The following SUGCT variants were observed in gnomAD, a reference collection of about 807,000 sequenced individuals.
SUGCT encodes the protein succinyl-CoA:glutarate-CoA transferase.
A neutral mutation model predicts 55.0 loss-of-function variants in SUGCT; 41 were observed. That is an observed-to-expected ratio of 0.74 (90% CI 0.58 to 0.97). The LOEUF is 0.97. SUGCT is among the 50% of genes least tolerant of loss of function. The probability of loss-of-function intolerance (pLI) is 0.00; values close to 1 mark genes in which losing one functional copy is unlikely to be tolerated. For synonymous variants in SUGCT, 187 were observed against 200.4 expected (o/e 0.93, Z 0.56); for missense variants, 568 against 547.8 (o/e 1.04, Z -0.37).
chr7:40,612,610 G>A (rs963515319), intron 12 of SUGCT, among the ~76,000 whole-genome samples: 2 of 152,140 alleles, frequency 1.3e-5, no homozygotes, highest in African/African-American at 4.8e-5. Context: ...TGATAGCTGT[G>A]CAGCCTTGGG....
chr7:40,591,009 C>G (rs1387519267), intron 12 of SUGCT, among the ~76,000 whole-genome samples: 1 of 151,938 alleles, frequency 6.6e-6, no homozygotes, highest in Non-Finnish European at 1.5e-5. Flanking sequence ...GCTTTCATGC[C>G]TACTGACACA....
the SUGCT span, among the ~76,000 whole-genome samples, chr7:40,938,477 AATT>A: frequency 1.3e-5 from 2 of 151,844 alleles, no homozygotes; most frequent in African/African-American, 2.4e-5. Flanking sequence ...CAACTTAATT[AATT>A]AACTAATTAA....
intron 1 of SUGCT, among the ~76,000 whole-genome samples, chr7:40,143,341 T>A (rs943149004): frequency 2.0e-5 from 3 of 152,166 alleles, no homozygotes; most frequent in African/African-American, 7.2e-5. Context: ...GTTGGAGACA[T>A]GAGGTAAAAT....
the SUGCT span, among the ~76,000 whole-genome samples, chr7:41,009,954 G>A: frequency 0.019 from 2,899 of 152,288 alleles, 88 homozygotes; most frequent in African/African-American, 0.065. Context: ...TGAGATATGT[G>A]CTGTATTCAC....
At chr7:40,818,661 T>G (rs138665352) in intron 13 of SUGCT, among the ~76,000 whole-genome samples, 176 of 152,246 alleles carry the variant, frequency 1.2e-3, no homozygotes, top group African/African-American at 4.0e-3. Context: ...AAATGGGAAG[T>G]GAGCCAGTGG....
intron 12 of SUGCT, among the ~76,000 whole-genome samples, chr7:40,529,010 G>A (rs867386094): frequency 6.6e-6 from 1 of 152,138 alleles, no homozygotes; most frequent in Non-Finnish European, 1.5e-5. Flanking sequence ...GGATCTTATA[G>A]CAGAACAAAA....
chr7:40,330,067 A>G (rs1796228525), intron 9 of SUGCT, among the ~76,000 whole-genome samples: 1 of 152,218 alleles, frequency 6.6e-6, no homozygotes, highest in African/African-American at 2.4e-5. Context: ...AGAGAACAGC[A>G]TCCTGGGCTT....
chr7:40,886,036 G>A, the SUGCT span, among the ~76,000 whole-genome samples: 4 of 152,186 alleles, frequency 2.6e-5, no homozygotes, highest in African/African-American at 7.2e-5. Context: ...GTGTGGCCTG[G>A]AAAGTGTCAG....
At chr7:40,186,025 C>T (rs1785481619) in intron 3 of SUGCT, among the ~76,000 whole-genome samples, 1 of 151,736 alleles carries the variant, frequency 6.6e-6, no homozygotes, top group Non-Finnish European at 1.5e-5. Context: ...ATTTTATATC[C>T]ACTTCTACAG....
chr7:40,776,011 T>A, intron 13 of SUGCT, among the ~76,000 whole-genome samples: 1 of 152,146 alleles, frequency 6.6e-6, no homozygotes, highest in African/African-American at 2.4e-5. Context: ...CCTGAGCCCT[T>A]CCCCATTGTG....
intron 6 of SUGCT, among the ~76,000 whole-genome samples, chr7:40,204,305 T>G (rs79967432): frequency 8.4e-6 from 1 of 118,474 alleles, no homozygotes; most frequent in Non-Finnish European, 1.6e-5. Flanking sequence ...TACTTGGGAA[T>G]TTTTTTTTTT....
chr7:40,237,814 G>A, intron 7 of SUGCT, 88 bp downstream of exon 7: 15 of 1,061,502 alleles, frequency 1.4e-5, no homozygotes, highest in Non-Finnish European at 1.9e-5. Flanking sequence ...AGGATTAAAT[G>A]AGTTGTTAGG....
intron 12 of SUGCT, among the ~76,000 whole-genome samples, chr7:40,623,359 C>G (rs1799365927): frequency 6.6e-6 from 1 of 152,088 alleles, no homozygotes; most frequent in African/African-American, 2.4e-5. Context: ...ACTAAATTAC[C>G]CAGACTGCTT....
chr7:40,445,281 A>G (rs1788757607), intron 9 of SUGCT, among the ~76,000 whole-genome samples: 1 of 152,188 alleles, frequency 6.6e-6, no homozygotes, highest in Non-Finnish European at 1.5e-5. Context: ...AAAGAGAAGA[A>G]TCAAATAGAC....
the SUGCT span, among the ~76,000 whole-genome samples, chr7:41,026,904 T>A: frequency 6.6e-6 from 1 of 152,132 alleles, no homozygotes; most frequent in African/African-American, 2.4e-5. Flanking sequence ...AGGTGGCGCA[T>A]GCCTGTAATC....
chr7:40,582,736 C>A (rs1057072089), intron 12 of SUGCT, among the ~76,000 whole-genome samples: 4 of 152,132 alleles, frequency 2.6e-5, no homozygotes, highest in African/African-American at 9.7e-5. Flanking sequence ...GCTTCAACTT[C>A]CTCATCTATA....
chr7:40,409,686 C>T (rs539403139), intron 9 of SUGCT, among the ~76,000 whole-genome samples: 86 of 151,458 alleles, frequency 5.7e-4, no homozygotes, highest in Non-Finnish European at 1.1e-3. Context: ...TCATTGTTTC[C>T]TGTGTATTAT....
the SUGCT span, among the ~76,000 whole-genome samples, chr7:40,916,899 G>A: frequency 5.2e-3 from 793 of 152,314 alleles, 4 homozygotes; most frequent in African/African-American, 0.018. Flanking sequence ...AGAAACACAT[G>A]ATTGATTGAC....
chr7:40,567,606 C>G (rs936885978), intron 12 of SUGCT, among the ~76,000 whole-genome samples: 11 of 152,194 alleles, frequency 7.2e-5, no homozygotes, highest in Admixed American at 3.3e-4. Flanking sequence ...TTTCTCCAGC[C>G]TTAATGTGAG....
Sources: allele counts gnomAD v4.1 joint callset (sites outside exome capture counted in the v4.1 genomes callset), GRCh38; gene constraint gnomAD v4.1.1; transcripts MANE v1.5; gene names NCBI Gene and HGNC (gene_info 2026-07-23, HGNC 2026-07-21).